Variants in NR3C2 observed in about 807,000 individuals in gnomAD.
NR3C2 encodes the protein nuclear receptor subfamily 3 group C member 2.
Under a neutral mutation model 86.4 loss-of-function variants are expected in NR3C2, and 15 were observed. The ratio of observed to expected loss-of-function variants is 0.17; its 90% CI spans 0.12 to 0.27. The LOEUF (loss-of-function observed/expected upper bound fraction) is 0.27, where lower values mean the gene tolerates loss of function less well. Ranked by LOEUF, NR3C2 falls within the 10% of genes least tolerant of loss-of-function variation. The pLI, the probability that NR3C2 is intolerant of heterozygous loss-of-function variation, is 1.00. For synonymous variants in NR3C2, 458 were observed against 450.5 expected (o/e 1.02, Z -0.21); for missense variants, 960 against 1,195.6 (o/e 0.80, Z 2.91).
intron 4 of NR3C2, among the ~76,000 whole-genome samples, chr4:148,191,826 C>T (rs1736209741): frequency 6.6e-6 from 1 of 152,276 alleles, no homozygotes; most frequent in South Asian, 2.1e-4. Context: ...TCCAAAGTTT[C>T]CAGAATTTTT....
intron 2 of NR3C2, among the ~76,000 whole-genome samples, chr4:148,260,787 G>A (rs914510952): frequency 6.6e-6 from 1 of 152,122 alleles, no homozygotes; most frequent in Non-Finnish European, 1.5e-5. Flanking sequence ...GAAACTGAAG[G>A]GCTCTCTGGG....
In NR3C2 at chr4:148,081,111, T is replaced by C; in HGVS notation, c.*233A>G. The C allele has an allele frequency of 1.8e-6, 1 of 562,374 alleles. No homozygotes were observed. Among genetic ancestry groups the C allele is most frequent in the Non-Finnish European group, 3.2e-6 (1 of 310,348 alleles). 34.8% of individuals were successfully genotyped at this position (562,374 alleles called of 1,614,324 possible). ...TTCATCCCGAGGAACAGGAACATGT[T>C]TCTAAGCGCTGGGGGATTGGAGGTG... On this transcript the variant is annotated 3_prime_UTR_variant, in exon 9 of 9. Coordinates refer to ENST00000358102, the MANE Select transcript of NR3C2 (RefSeq NM_000901.5).
In NR3C2 at chr4:148,120,138, C is replaced by A. The variant is rs774591397; in HGVS notation, c.2641+20G>T. On this transcript the variant is annotated intron_variant, in intron 7 of 8. Transcript: ENST00000358102. ...TGATCTGGTAATATAGAAACAGTGC[C>A]AGAATGGGCATCAATTTACTTGTGC... is the stretch of plus-strand genomic sequence containing the variant. The A allele has an allele frequency of 8.1e-6, 13 of 1,613,826 alleles. No individual in the cohort carries two copies. The highest frequency in any genetic ancestry group is 1.0e-5 in the Non-Finnish European group (12 of 1,179,822).
intron 2 of NR3C2, among the ~76,000 whole-genome samples, chr4:148,385,981 T>C (rs926637795): frequency 5.9e-5 from 9 of 152,308 alleles, no homozygotes; most frequent in Middle Eastern, 3.4e-3. Context: ...TTCAGATACG[T>C]GGGTGTGCCA....
At position 148,152,542 on chromosome 4, in the gene NR3C2, C is replaced by A; in HGVS notation, c.2437G>T (p.Ala813Ser). The A allele has an allele frequency of 1.2e-6, 2 of 1,614,042 alleles. No homozygotes were observed. Among genetic ancestry groups the A allele is most frequent in the African/African-American group, 2.7e-5 (2 of 75,040 alleles). ...TGTTTGTACGATCTCCAGCTCAAGG[C>A]AAATGATGATAGACACATCCAAGAA... ...QYSWMCLSSF[A>S]LSWRSYKHTN... The change falls in exon 6 of 9, where the codon GCC becomes TCC. Residue 813 changes from alanine (A) to serine (S), a missense_variant. Ala to Ser is a moderately conservative substitution (Grantham distance 99). Transcript: ENST00000358102.
intron 2 of NR3C2, among the ~76,000 whole-genome samples, chr4:148,310,066 A>G (rs1286411438): frequency 6.6e-6 from 1 of 152,236 alleles, no homozygotes; most frequent in Non-Finnish European, 1.5e-5. Flanking sequence ...ATACGATATA[A>G]TTATTTCATC....
intron 5 of NR3C2, among the ~76,000 whole-genome samples, chr4:148,153,463 C>A (rs1302761205): frequency 1.3e-5 from 2 of 152,174 alleles, no homozygotes; most frequent in African/African-American, 4.8e-5. Flanking sequence ...AGGCATGGGC[C>A]ACTGCACCAG....
chr4:148,221,149 G>T (rs1055738216), intron 3 of NR3C2, among the ~76,000 whole-genome samples: 1 of 152,234 alleles, frequency 6.6e-6, no homozygotes, highest in African/African-American at 2.4e-5. Flanking sequence ...ATCTCCCTCA[G>T]TGTCAGCTTG....
intron 4 of NR3C2, among the ~76,000 whole-genome samples, chr4:148,169,002 C>T (rs1391402863): frequency 6.6e-6 from 1 of 152,154 alleles, no homozygotes; most frequent in Admixed American, 6.5e-5. Context: ...GTTGACCTGA[C>T]TATCAAAGCC....
rs1173759610 is a variant in NR3C2 at position 148,079,687 on chromosome 4, G to GAATT, written c.*1653_*1656dup. 3.3e-5 allele frequency: 5 copies of GAATT among 152,708 alleles called. No individual in the cohort carries two copies. The East Asian group carries it at 7.7e-4, about 24-fold the overall frequency. 9.5% of individuals were successfully genotyped at this position (152,708 alleles called of 1,614,324 possible). A position where few individuals can be genotyped will look rare whatever the true frequency, so the allele number is the denominator to read the frequency against. On this transcript the variant is annotated 3_prime_UTR_variant, in exon 9 of 9. Transcript: ENST00000358102. ...ATCAGTGCCAAACAAACAGATTAAT[G>GAATT]AATTAAACATTTTAGTGCCACTGTC...
chr4:148,341,369 T>C lies in NR3C2; in HGVS notation c.1758-81252A>G, dbSNP rs554179742. Among the ~76,000 whole-genome samples the C allele has an allele frequency of 2.0e-5, 3 of 152,230 alleles. No homozygotes were observed. The South Asian group carries it at 6.2e-4, about 32-fold the overall frequency. ...TAAGCCAGGAACAGAAAGATAAATA[T>C]CATGTGTTCTCACTCATATGTGGGA... On this transcript the variant is annotated intron_variant, in intron 2 of 8. Coordinates refer to ENST00000358102, the MANE Select transcript of NR3C2 (RefSeq NM_000901.5).
chr4:148,302,086 C>T (rs1742366953), intron 2 of NR3C2, among the ~76,000 whole-genome samples: 1 of 152,112 alleles, frequency 6.6e-6, no homozygotes, highest in South Asian at 2.1e-4. Context: ...TTGTTATTCA[C>T]AGATAATTGT....
intron 2 of NR3C2, among the ~76,000 whole-genome samples, chr4:148,323,025 C>G (rs949334382): frequency 6.7e-6 from 1 of 149,256 alleles, no homozygotes; most frequent in Admixed American, 6.7e-5. Flanking sequence ...TACTTTTGGT[C>G]TTTGATGATG....
At chr4:148,268,628 A>C (rs1335902441) in intron 2 of NR3C2, among the ~76,000 whole-genome samples, 3 of 152,216 alleles carry the variant, frequency 2.0e-5, no homozygotes, top group African/African-American at 4.8e-5. Flanking sequence ...GTGCAAGATA[A>C]AATTGGAGCT....
chr4:148,269,600 G>C (rs112584835), intron 2 of NR3C2, among the ~76,000 whole-genome samples: 81 of 151,992 alleles, frequency 5.3e-4, no homozygotes, highest in African/African-American at 1.8e-3. Flanking sequence ...AGCGGTTGCT[G>C]ATACAATGAC....
At chr4:148,334,317 T>C (rs12650807) in intron 2 of NR3C2, among the ~76,000 whole-genome samples, 123,640 of 152,164 alleles carry the variant, frequency 0.81, 50,714 homozygotes, top group South Asian at 0.88. Flanking sequence ...CCTAGGTGGG[T>C]GGATCACCTG....
chr4:148,172,254 C>G (rs997215982), intron 4 of NR3C2, among the ~76,000 whole-genome samples: 1 of 152,294 alleles, frequency 6.6e-6, no homozygotes, highest in African/African-American at 2.4e-5. Context: ...CCTGCCTTAA[C>G]AGCAGCAACA....
In NR3C2 at chr4:148,305,394, C is replaced by T. The variant is rs185789469; in HGVS notation, c.1758-45277G>A. Among the ~76,000 whole-genome samples, 27 of 152,172 alleles carry T rather than the reference C, an allele frequency of 1.8e-4. No homozygotes were observed. The East Asian group carries it at 3.9e-3, about 22-fold the overall frequency. ...TGAGGGTGCCACTTTTCCCAAGAGA[C>T]GTAGAGTATTTTAGAGGGGACTCTG... On this transcript the variant is annotated intron_variant, in intron 2 of 8. Transcript: ENST00000358102.
chr4:148,234,857 G>A (rs1198810067), intron 3 of NR3C2, among the ~76,000 whole-genome samples: 1 of 152,018 alleles, frequency 6.6e-6, no homozygotes, highest in Non-Finnish European at 1.5e-5. Context: ...ACATATGCAG[G>A]TTTGCTATAC....
Sources: allele counts gnomAD v4.1 joint callset (sites outside exome capture counted in the v4.1 genomes callset), GRCh38; gene constraint gnomAD v4.1.1; transcripts MANE v1.5; gene names NCBI Gene and HGNC (gene_info 2026-07-23, HGNC 2026-07-21).